HIKESHI: variants seen among roughly 807,000 people sequenced by gnomAD.
HIKESHI encodes heat shock protein nuclear import factor hikeshi.
A neutral mutation model predicts 25.7 loss-of-function variants in HIKESHI; 13 were observed. That is an observed-to-expected ratio of 0.51 (90% CI 0.33 to 0.80). HIKESHI has a LOEUF of 0.80. HIKESHI is among the 30% of genes least tolerant of loss of function. HIKESHI has a pLI of 0.02. For missense variants in HIKESHI, 174 were observed against 229.5 expected (o/e 0.76, Z 1.56); for synonymous variants, 76 against 78.7 (o/e 0.97, Z 0.18).
intron 2 of HIKESHI, among the ~76,000 whole-genome samples, chr11:86,322,832 C>T (rs1949485685): frequency 6.6e-6 from 1 of 152,050 alleles, no homozygotes; most frequent in South Asian, 2.1e-4. Flanking sequence ...TTTAGTGGTT[C>T]CAACATTGGT....
chr11:86,337,564 C>T, intron 3 of HIKESHI, 34 bp downstream of exon 3: 1 of 1,593,350 alleles, frequency 6.3e-7, no homozygotes, highest in Non-Finnish European at 8.6e-7. Context: ...TTTACCTCCC[C>T]CTCCACTGCT....
chr11:86,341,845 T>C (rs1360410133), intron 3 of HIKESHI, among the ~76,000 whole-genome samples: 3 of 152,204 alleles, frequency 2.0e-5, no homozygotes, highest in Non-Finnish European at 4.4e-5. Flanking sequence ...GATTTGTTCT[T>C]TTGTGTGTTT....
intron 3 of HIKESHI, chr11:86,343,697 G>A (rs948528561): frequency 3.1e-4 from 47 of 152,100 alleles, no homozygotes; most frequent in African/African-American, 1.1e-3. Flanking sequence ...AGGTGCCTTC[G>A]CAGCAGAGTC....
At chr11:86,326,556 ATG>A (rs1411018733) in intron 2 of HIKESHI, 5 of 456,086 alleles carry the variant, frequency 1.1e-5, no homozygotes, top group Non-Finnish European at 2.2e-5. Context: ...CAACATCTGC[ATG>A]TGTGTGTGAA....
Position 86,331,332 on chromosome 11 carries a change from T to C in HIKESHI, c.269-6047T>C, listed in dbSNP as rs563378490. 3.3e-5 allele frequency among the ~76,000 whole-genome samples: 5 copies of C among 152,042 alleles called. No individual in the cohort carries two copies. The South Asian group carries it at 1.0e-3, about 32-fold the overall frequency. On this transcript the variant is annotated intron_variant, in intron 2 of 4. Coordinates refer to ENST00000278483, the MANE Select transcript of HIKESHI (RefSeq NM_016401.4). ...TGTGAAACCCCATGTCTACTAAAAATACAAAAATTAGCTGCACATGGTGGC... is the reference window on the plus strand; with the variant it reads ...TGTGAAACCCCATGTCTACTAAAAACACAAAAATTAGCTGCACATGGTGGC...
chr11:86,333,518 G>T (rs922688271), intron 2 of HIKESHI, among the ~76,000 whole-genome samples: 3 of 150,208 alleles, frequency 2.0e-5, no homozygotes, highest in Non-Finnish European at 2.9e-5. Flanking sequence ...CTGGGCAACA[G>T]AGTGAGACTC....
At position 86,302,468 on chromosome 11, in the gene HIKESHI, C is replaced by CGG; in HGVS notation, c.23_24dup (p.Arg9GlyfsTer63). 1.3e-6 allele frequency: 2 copies of CGG among 1,558,146 alleles called. No individual in the cohort carries two copies. Among genetic ancestry groups the CGG allele is most frequent in the Non-Finnish European group, 1.7e-6 (2 of 1,150,874 alleles). The stretch of plus-strand genomic sequence containing the variant: ...GTCGCCATGTTTGGCTGCTTGGTGG[C>CGG]GGGGAGGCTGGTGAGGATGGGACCG... On this transcript the variant is annotated frameshift_variant, in exon 1 of 5. Coordinates refer to ENST00000278483, the MANE Select transcript of HIKESHI (RefSeq NM_016401.4). LOFTEE classifies it high-confidence loss of function.
rs1947460532 is a variant in HIKESHI, at chr11:86,332,954, C to T, written c.269-4425C>T. Among the ~76,000 whole-genome samples the T allele has an allele frequency of 3.3e-5, 5 of 152,180 alleles. No homozygotes were observed. The South Asian group carries it at 1.0e-3, about 32-fold the overall frequency. On this transcript the variant is annotated intron_variant, in intron 2 of 4. Transcript: ENST00000278483. The stretch of plus-strand genomic sequence containing the variant: ...AAGTAATATAAAAGGAGACTGGAGA[C>T]ACCATCTTTATGGTCTCTTTTTAGC...
At chr11:86,332,684 T>G (rs1223421467) in intron 2 of HIKESHI, among the ~76,000 whole-genome samples, 1 of 152,224 alleles carries the variant, frequency 6.6e-6, no homozygotes. Flanking sequence ...TGGAATTAGC[T>G]AGAGTAGAAG....
At chr11:86,321,083 C>T (rs1947136032) in intron 2 of HIKESHI, among the ~76,000 whole-genome samples, 1 of 152,012 alleles carries the variant, frequency 6.6e-6, no homozygotes, top group South Asian at 2.1e-4. Flanking sequence ...TATAGGCGTG[C>T]ACCACCATGC....
rs527336471 is a variant in HIKESHI, at chr11:86,322,403, ATG to A, written c.269-14964_269-14963del. Reference sequence around the variant, plus strand: ...CTTAAAGTTGTTTTAAGAGTTCTATATGTGTGTGTGTGTATGTATATATATGT... The same window carrying A: ...CTTAAAGTTGTTTTAAGAGTTCTATATGTGTGTGTGTATGTATATATATGT... On this transcript the variant is annotated intron_variant, in intron 2 of 4. Coordinates refer to ENST00000278483, the MANE Select transcript of HIKESHI (RefSeq NM_016401.4). Among the ~76,000 whole-genome samples the A allele has an allele frequency of 1.8e-3, 276 of 151,818 alleles. 1 individual carries two copies. Among genetic ancestry groups the A allele is most frequent in the African/African-American group, 6.5e-3 (270 of 41,400 alleles).
At position 86,319,899 on chromosome 11, in the gene HIKESHI, TATTA is replaced by T. The variant is rs199857593; in HGVS notation, c.268+13421_268+13424del. Among the ~76,000 whole-genome samples the T allele has an allele frequency of 9.6e-3, 1,457 of 152,300 alleles. 9 individuals are homozygous for T. The highest frequency in any genetic ancestry group is 0.048 in the Middle Eastern group (14 of 294). ...ACTTAGCAGCCATTTGTTTGTAATT[TATTA>T]ATTGAGTAGGGGTTCAAAGTGATAA... On this transcript the variant is annotated intron_variant, in intron 2 of 4. Transcript: ENST00000278483.
chr11:86,308,867 G>A (rs906268792), intron 2 of HIKESHI, among the ~76,000 whole-genome samples: 2 of 151,936 alleles, frequency 1.3e-5, no homozygotes, highest in African/African-American at 2.4e-5. Flanking sequence ...ATGGTTTCCA[G>A]CTTCATCCAT....
chr11:86,310,219 G>A (rs1239595089), intron 2 of HIKESHI, among the ~76,000 whole-genome samples: 3 of 147,408 alleles, frequency 2.0e-5, no homozygotes, highest in Non-Finnish European at 4.5e-5. Context: ...TCTTCCATTT[G>A]TTTGTATCCT....
chr11:86,302,575 GC>G, intron 1 of HIKESHI, 97 bp downstream of exon 1: 1 of 1,409,104 alleles, frequency 7.1e-7, no homozygotes, highest in Non-Finnish European at 9.7e-7. Context: ...ATGCGGGGAA[GC>G]CCACTTATTA....
rs1947582624 is a variant in HIKESHI, at chr11:86,337,038, C to A, written c.269-341C>A. 3.9e-5 allele frequency among the ~76,000 whole-genome samples: 6 copies of A among 152,030 alleles called. No individual in the cohort carries two copies. In the South Asian group the frequency reaches 1.2e-3, roughly 32 times the overall value. On this transcript the variant is annotated intron_variant, in intron 2 of 4. Transcript: ENST00000278483. ...TTTCCTAGATAAACAAAAACTAAGT[C>A]ATTGCTGGCAGACCTGCTCCATAAG...
chr11:86,334,234 ATATGTG>A (rs1159227961), intron 2 of HIKESHI, among the ~76,000 whole-genome samples: 2 of 125,840 alleles, frequency 1.6e-5, no homozygotes, highest in Non-Finnish European at 3.3e-5. Context: ...TCTTTGTAAA[ATATGTG>A]TGTGTGTGTG....
intron 2 of HIKESHI, among the ~76,000 whole-genome samples, chr11:86,330,317 A>G (rs563735733): frequency 4.6e-5 from 7 of 152,200 alleles, no homozygotes; most frequent in Non-Finnish European, 1.0e-4. Context: ...TGAAGTTCTG[A>G]ATATAATGAC....
rs910059882 is a variant in HIKESHI, at chr11:86,320,997, T to C, written c.268+14515T>C. 5.3e-5 allele frequency among the ~76,000 whole-genome samples: 8 copies of C among 151,860 alleles called. No homozygotes were observed. The East Asian group carries it at 1.4e-3, about 26-fold the overall frequency. ...TTGCTCAGGCTGGAGTGCAATGGTG[T>C]GATCTCGGCTCACTGCAACCTCCAC... On this transcript the variant is annotated intron_variant, in intron 2 of 4. Coordinates refer to ENST00000278483, the MANE Select transcript of HIKESHI (RefSeq NM_016401.4).
Sources: allele counts gnomAD v4.1 joint callset (sites outside exome capture counted in the v4.1 genomes callset), GRCh38; gene constraint gnomAD v4.1.1; transcripts MANE v1.5; gene names NCBI Gene and HGNC (gene_info 2026-07-23, HGNC 2026-07-21).